Variants in NCAM1 observed in about 807,000 individuals in gnomAD.
NCAM1 encodes the protein neural cell adhesion molecule 1.
NCAM1 carries 14 observed loss-of-function variants against 109.8 expected under a neutral mutation model. The observed-to-expected ratio is 0.13, with a 90% CI of 0.08 to 0.20. The LOEUF is 0.20. Among genes scored for constraint, NCAM1 ranks in the 10% least tolerant of loss-of-function variants. The probability of loss-of-function intolerance (pLI) is 1.00; values close to 1 mark genes in which losing one functional copy is unlikely to be tolerated. For synonymous variants in NCAM1, 418 were observed against 442.9 expected (o/e 0.94, Z 0.70); for missense variants, 774 against 1,109.9 (o/e 0.70, Z 4.30).
At position 113,068,206 on chromosome 11, in the gene NCAM1, G is replaced by A. The variant is rs537722660; in HGVS notation, c.52+106542G>A. 1.5e-4 allele frequency among the ~76,000 whole-genome samples: 23 copies of A among 152,078 alleles called. No homozygotes were observed. The East Asian group carries it at 2.7e-3, about 18-fold the overall frequency. ...GATTACAAGCATGAGCCACTGTGCC[G>A]GGCCTCATATACCAAGTTTTTAAGA... On this transcript the variant is annotated intron_variant, in intron 1 of 19. Transcript: ENST00000316851.
At chr11:113,242,135 C>CT (rs1591451410) in intron 14 of NCAM1, among the ~76,000 whole-genome samples, 1 of 152,226 alleles carries the variant, frequency 6.6e-6, no homozygotes, top group African/African-American at 2.4e-5. Context: ...ATGGATTCCA[C>CT]TTACCTTTTC....
intron 1 of NCAM1, among the ~76,000 whole-genome samples, chr11:113,080,365 G>A (rs1555086942): frequency 6.6e-6 from 1 of 152,044 alleles, no homozygotes; most frequent in Non-Finnish European, 1.5e-5. Flanking sequence ...GGTTCGCAAA[G>A]TAAAAATCTG....
chr11:113,153,320 C>T (rs1316548905), intron 1 of NCAM1, among the ~76,000 whole-genome samples: 3 of 152,134 alleles, frequency 2.0e-5, no homozygotes, highest in South Asian at 2.1e-4. Flanking sequence ...GGATTACAGG[C>T]GTGAGCCACC....
At chr11:113,000,737 G>C (rs1230897213) in intron 1 of NCAM1, among the ~76,000 whole-genome samples, 1 of 150,598 alleles carries the variant, frequency 6.6e-6, no homozygotes, top group Admixed American at 6.6e-5. Flanking sequence ...GCTGTAGGAA[G>C]GTTGCATTCT....
intron 1 of NCAM1, among the ~76,000 whole-genome samples, chr11:113,082,721 C>G (rs531245136): frequency 1.4e-4 from 22 of 152,246 alleles, no homozygotes; most frequent in Admixed American, 1.4e-3. Context: ...AGGACAATGC[C>G]GGATCATGTC....
intron 2 of NCAM1, among the ~76,000 whole-genome samples, chr11:113,203,870 G>C (rs1944150279): frequency 6.6e-6 from 1 of 152,172 alleles, no homozygotes; most frequent in African/African-American, 2.4e-5. Context: ...AAAACAAGCT[G>C]ATCAGTAGAC....
chr11:113,098,820 A>C lies in NCAM1; in HGVS notation c.53-103559A>C, dbSNP rs190184811. ...GGCCTGAAATGCTCATGAAACTTTC[A>C]AGAATATAGGTTGGGCAGGTCTATG... On this transcript the variant is annotated intron_variant, in intron 1 of 19. Coordinates refer to ENST00000316851, the MANE Select transcript of NCAM1 (RefSeq NM_181351.5). 1.6e-4 allele frequency among the ~76,000 whole-genome samples: 25 copies of C among 152,300 alleles called. No homozygotes were observed. In the East Asian group the frequency reaches 4.8e-3, roughly 29 times the overall value.
At position 113,029,124 on chromosome 11, in the gene NCAM1, G is replaced by C. The variant is rs138196744; in HGVS notation, c.52+67460G>C. Among the ~76,000 whole-genome samples, 115 of 152,298 alleles carry C rather than the reference G, an allele frequency of 7.6e-4. 1 individual carries two copies. The East Asian group carries it at 0.011, about 15-fold the overall frequency. On this transcript the variant is annotated intron_variant, in intron 1 of 19. Transcript: ENST00000316851. Reference sequence around the variant, plus strand: ...AAACTTGGGCAGTAATGACTGAATTGACGATATTGTCAGTCAGTGGTAATA... The same window carrying C: ...AAACTTGGGCAGTAATGACTGAATTCACGATATTGTCAGTCAGTGGTAATA...
chr11:113,238,416 T>G (rs1945236208), intron 14 of NCAM1, among the ~76,000 whole-genome samples: 1 of 152,202 alleles, frequency 6.6e-6, no homozygotes, highest in African/African-American at 2.4e-5. Context: ...TATTATGGTC[T>G]TTCTTTGTGC....
At chr11:113,254,321 G>T (rs1945781172) in intron 15 of NCAM1, among the ~76,000 whole-genome samples, 1 of 152,096 alleles carries the variant, frequency 6.6e-6, no homozygotes, top group African/African-American at 2.4e-5. Flanking sequence ...CTTAATTATT[G>T]ATCTAAGAAA....
chr11:113,168,114 C>T (rs947130586), intron 1 of NCAM1, among the ~76,000 whole-genome samples: 7 of 152,090 alleles, frequency 4.6e-5, no homozygotes, highest in Admixed American at 1.3e-4. Flanking sequence ...AGGCCTCTTC[C>T]GGGTTAGGCT....
At chr11:113,038,769 G>C (rs182050625) in intron 1 of NCAM1, among the ~76,000 whole-genome samples, 2 of 152,310 alleles carry the variant, frequency 1.3e-5, no homozygotes, top group Admixed American at 6.5e-5. Flanking sequence ...GAGATGTTGA[G>C]GGGGAGAAAT....
At chr11:113,211,429 C>T (rs1341986097) in intron 7 of NCAM1, among the ~76,000 whole-genome samples, 1 of 152,198 alleles carries the variant, frequency 6.6e-6, no homozygotes, top group African/African-American at 2.4e-5. Flanking sequence ...ATTCTTTCCT[C>T]AGAAAAAGAC....
chr11:113,270,538 A>G (rs544842213), intron 18 of NCAM1, 143 bp downstream of exon 18: 112 of 762,090 alleles, frequency 1.5e-4, no homozygotes, highest in Admixed American at 3.0e-4. Flanking sequence ...GGGGAAAAAC[A>G]TTAGAGAAAA....
chr11:113,064,875 A>T (rs1937873745), intron 1 of NCAM1, among the ~76,000 whole-genome samples: 1 of 152,234 alleles, frequency 6.6e-6, no homozygotes, highest in Non-Finnish European at 1.5e-5. Flanking sequence ...ATGGTTTCAT[A>T]TAGAATATTT....
chr11:113,124,256 A>G (rs1555096635), intron 1 of NCAM1, among the ~76,000 whole-genome samples: 1 of 152,172 alleles, frequency 6.6e-6, no homozygotes, highest in Non-Finnish European at 1.5e-5. Context: ...GTGGTGTCGC[A>G]GGACTATTCT....
chr11:113,001,238 C>A (rs1951747807), intron 1 of NCAM1, among the ~76,000 whole-genome samples: 1 of 152,142 alleles, frequency 6.6e-6, no homozygotes, highest in Non-Finnish European at 1.5e-5. Context: ...CTGTGAACAG[C>A]AAGCATGTAG....
At chr11:113,060,923 A>C (rs1203890464) in intron 1 of NCAM1, among the ~76,000 whole-genome samples, 1 of 152,224 alleles carries the variant, frequency 6.6e-6, no homozygotes, top group Non-Finnish European at 1.5e-5. Flanking sequence ...GTGGTTAAGA[A>C]CACTTGACGT....
At chr11:113,016,282 A>G (rs766728624) in intron 1 of NCAM1, among the ~76,000 whole-genome samples, 52 of 152,264 alleles carry the variant, frequency 3.4e-4, no homozygotes, top group Admixed American at 1.1e-3. Flanking sequence ...TCTCTATTTG[A>G]CAACTGCAGA....
Sources: gnomAD v4.1 joint callset for allele counts (sites outside exome capture counted in the v4.1 genomes callset) on GRCh38, gnomAD v4.1.1 for gene constraint, MANE v1.5 for transcripts, NCBI Gene and HGNC (gene_info 2026-07-23, HGNC 2026-07-21) for gene names.